TMPRSS6: variants seen among roughly 807,000 people sequenced by gnomAD.
TMPRSS6 encodes transmembrane protease serine 6.
TMPRSS6 carries 67 observed loss-of-function variants against 101.5 expected under a neutral mutation model. The ratio of observed to expected loss-of-function variants is 0.66; its 90% CI spans 0.54 to 0.81. TMPRSS6 has a LOEUF of 0.81. TMPRSS6 is among the 30% of genes least tolerant of loss of function. TMPRSS6 has a pLI of 0.00. For missense variants in TMPRSS6, 1,034 were observed against 1,088.7 expected, an observed-to-expected ratio of 0.95 and a Z score of 0.71; for synonymous variants, 453 against 464.9, an observed-to-expected ratio of 0.97 and a Z score of 0.33.
intron 6 of TMPRSS6, among the ~76,000 whole-genome samples, chr22:37,095,263 G>A (rs9610648): frequency 2.6e-5 from 4 of 152,126 alleles, no homozygotes; most frequent in Non-Finnish European, 4.4e-5. Flanking sequence ...AGTCACGTTC[G>A]TGGACCACTA....
intron 6 of TMPRSS6, among the ~76,000 whole-genome samples, chr22:37,092,881 C>T (rs1302639051): frequency 6.6e-6 from 1 of 152,250 alleles, no homozygotes; most frequent in Non-Finnish European, 1.5e-5. Context: ...ATCTGGGACT[C>T]TGTGTGAGGC....
intron 16 of TMPRSS6, among the ~76,000 whole-genome samples, chr22:37,067,453 G>C (rs932701130): frequency 6.6e-6 from 1 of 152,088 alleles, no homozygotes; most frequent in Non-Finnish European, 1.5e-5. Context: ...GGCAACAAGA[G>C]CGAAACTCTG....
At chr22:37,074,797 G>T in intron 11 of TMPRSS6, 89 bp from the exon 12 acceptor site, 1 of 1,369,984 alleles carries the variant, frequency 7.3e-7, no homozygotes, top group Non-Finnish European at 1.0e-6. Flanking sequence ...GCATGCACCT[G>T]TTCACTCACA....
At position 37,097,749 on chromosome 22, in the gene TMPRSS6, G is replaced by A. The variant is rs1569023235; in HGVS notation, c.336+667C>T. Among the ~76,000 whole-genome samples the A allele has an allele frequency of 1.3e-4, 16 of 126,722 alleles. No homozygotes were observed. The East Asian group carries it at 3.2e-3, about 25-fold the overall frequency. 83.1% of individuals were successfully genotyped at this position (126,722 alleles called of 152,430 possible). On this transcript the variant is annotated intron_variant, in intron 3 of 17. Transcript: ENST00000676104. The stretch of plus-strand genomic sequence containing the variant: ...GCCACCGTCCTGTAACGGAGGGGCA[G>A]GAGCGGCCACTGTCCTGTAACGGAG...
rs1490538893 is a variant in TMPRSS6 at position 37,101,346 on chromosome 22, G to T, written c.202+1870C>A. Among the ~76,000 whole-genome samples, 1 of 152,092 alleles carries T rather than the reference G, an allele frequency of 6.6e-6. No individual in the cohort carries two copies. The highest frequency in any genetic ancestry group is 1.5e-5 in the Non-Finnish European group (1 of 68,000). ...GAGAACACATAAAACTCTTGCCTGG[G>T]AGAGCAGGAAAGGGAAAGGACCCAG... On this transcript the variant is annotated intron_variant, in intron 2 of 17. Transcript: ENST00000676104. The surrounding 1 kb of genome is among the most constrained non-coding windows in gnomAD (Gnocchi z 4.1).
At chr22:37,075,508 C>T (rs1290767726) in intron 10 of TMPRSS6, among the ~76,000 whole-genome samples, 3 of 152,098 alleles carry the variant, frequency 2.0e-5, no homozygotes, top group Admixed American at 2.0e-4. Flanking sequence ...TCCCCATTGC[C>T]TGCCAGATAA....
At chr22:37,070,365 G>T in intron 15 of TMPRSS6, 119 bp downstream of exon 15, 2 of 1,339,172 alleles carry the variant, frequency 1.5e-6, no homozygotes, top group Non-Finnish European at 1.1e-6. Context: ...ACAGTAGCCT[G>T]TCTGGGGGGT....
rs1569019790 is a variant in TMPRSS6, at chr22:37,094,414, GATAGATAGATAGAT to G, written c.631+1123_631+1136del. ...AGATAGATAGATAGATAGATAGATA[GATAGATAGATAGAT>G]ATAAACAGACAGCTAGCTAGCTAGA... On this transcript the variant is annotated intron_variant, in intron 6 of 17. Coordinates refer to ENST00000676104, the MANE Select transcript of TMPRSS6 (RefSeq NM_001374504.1). 9.2e-4 allele frequency among the ~76,000 whole-genome samples: 138 copies of G among 150,492 alleles called. 1 individual carries two copies. Among genetic ancestry groups the G allele is most frequent in the African/African-American group, 3.3e-3 (132 of 40,562 alleles).
intron 5 of TMPRSS6, 45 bp downstream of exon 5, chr22:37,095,861 C>T (rs1244928678): frequency 6.2e-6 from 10 of 1,610,738 alleles, no homozygotes; most frequent in Admixed American, 3.3e-5. Context: ...CTTGTTTCCC[C>T]CAACCTCATG....
At position 37,103,618 on chromosome 22, in the gene TMPRSS6, G is replaced by A; in HGVS notation, c.-1-200C>T. 6.2e-7 allele frequency: 1 copy of A among 1,602,596 alleles called. No homozygotes were observed. The highest frequency in any genetic ancestry group is 1.1e-5 in the South Asian group (1 of 90,780). On this transcript the variant is annotated intron_variant, in intron 1 of 17. Transcript: ENST00000676104. This position sits in a 1 kb window ranked among gnomAD's most constrained non-coding sequence, Gnocchi z 4.4. ...GCATCTCAGGTCAGCTCGCACCAGA[G>A]GGCAGGCACCAGAGCTGGACTGGGT...
chr22:37,068,900 G>A (rs1383681092), intron 16 of TMPRSS6, among the ~76,000 whole-genome samples, 173 bp downstream of exon 16: 2 of 152,238 alleles, frequency 1.3e-5, no homozygotes, highest in African/African-American at 4.8e-5. Flanking sequence ...CCTACAGGCC[G>A]CATTAAATGG....
chr22:37,078,722 GAGA>G (rs1376440912), intron 10 of TMPRSS6, among the ~76,000 whole-genome samples: 65 of 149,028 alleles, frequency 4.4e-4, no homozygotes, highest in African/African-American at 1.3e-3. Context: ...GGAGGCGGAG[GAGA>G]AGAAGAAGAA....
rs1929740434 is a variant in TMPRSS6, at chr22:37,096,090, C to T, written c.405G>A (p.Gly135=). ...AGAAGAAGCAGGTGAGGGGTCCCTC[C>T]CTAAGGCAGGCAGAAGTGAGAGAGG... The part of the protein sequence containing the change: ...YYNSSSVYSF[G]EGPLTCFFWF... Residue 135 remains glycine, a splice_region_variant and synonymous_variant, in exon 5 of 18, where the codon GGG becomes GGA. Coordinates refer to ENST00000676104, the MANE Select transcript of TMPRSS6 (RefSeq NM_001374504.1). The T allele has an allele frequency of 6.2e-7, 1 of 1,614,118 alleles. No homozygotes were observed. Among genetic ancestry groups the T allele is most frequent in the African/African-American group, 1.3e-5 (1 of 75,044 alleles).
At chr22:37,068,589 C>T (rs771975422) in intron 16 of TMPRSS6, 1 of 779,614 alleles carries the variant, frequency 1.3e-6, no homozygotes, top group Non-Finnish European at 2.4e-6. Context: ...AATCTTTGCT[C>T]CAGTCCTCTC....
In TMPRSS6 at chr22:37,070,987, C is replaced by A. The variant is rs778878377; in HGVS notation, c.1601G>T (p.Cys534Phe). The A allele has an allele frequency of 2.5e-6, 4 of 1,613,418 alleles. No homozygotes were observed. Among genetic ancestry groups the A allele is most frequent in the Non-Finnish European group, 3.4e-6 (4 of 1,179,996 alleles). Residue 534 changes from cysteine (C) to phenylalanine (F), a missense_variant, in exon 14 of 18, where the codon TGC becomes TTC. By Grantham distance (205) the Cys-to-Phe change is radical. Coordinates refer to ENST00000676104, the MANE Select transcript of TMPRSS6 (RefSeq NM_001374504.1). ...ACACTGCGGGTTGGGCTTCTTCACG[C>A]AGCTCCGGTCCTCACACTGGAAGGT... ...TFTFQCEDRS[C>F]VKKPNPQCDG...
In TMPRSS6 at chr22:37,103,373, G is replaced by A. The variant is rs201609873; in HGVS notation, c.45C>T (p.Asp15=). 86 of 1,614,102 alleles carry A rather than the reference G, an allele frequency of 5.3e-5. No homozygotes were observed. The East Asian group carries it at 9.1e-4, about 17-fold the overall frequency. The change falls in exon 2 of 18, where the codon GAC becomes GAT. Residue 15 remains aspartate (D), a synonymous_variant. Transcript: ENST00000676104. The surrounding 1 kb of genome is among the most constrained non-coding windows in gnomAD (Gnocchi z 4.4). ...EAPQVAGGQG[D]GGDGEEAEPE... is the part of the protein sequence containing the mutation. ...GCTCCGCTTCCTCGCCATCACCTCC[G>A]TCCCCCTGCCCGCCAGCCACCTGGG...
rs1568999579 is a variant in TMPRSS6 at position 37,072,618 on chromosome 22, AC to A, written c.1555+913del. Among the ~76,000 whole-genome samples, 65 of 111,566 alleles carry A rather than the reference AC, an allele frequency of 5.8e-4. 1 individual carries two copies. Among genetic ancestry groups the A allele is most frequent in the South Asian group, 1.0e-3 (3 of 2,946 alleles). The allele number at this position is 111,566 out of a possible 152,430, so 73.2% of individuals were successfully genotyped here. On this transcript the variant is annotated intron_variant, in intron 13 of 17. Coordinates refer to ENST00000676104, the MANE Select transcript of TMPRSS6 (RefSeq NM_001374504.1). ...TGATGGATGGATGGATGGATGATGG[AC>A]GATGGATGGATGGATGATGGACGGA...
chr22:37,083,536 C>T (rs1928425950), intron 10 of TMPRSS6, among the ~76,000 whole-genome samples: 1 of 152,152 alleles, frequency 6.6e-6, no homozygotes, highest in Admixed American at 6.5e-5. Context: ...TGTCCATACA[C>T]CCTGTCTCTG....
intron 10 of TMPRSS6, among the ~76,000 whole-genome samples, chr22:37,077,337 C>T (rs1394033417): frequency 6.6e-6 from 1 of 152,152 alleles, no homozygotes; most frequent in East Asian, 1.9e-4. Context: ...AGGTCTGAGC[C>T]CCCTACATGC....
Sources: allele counts gnomAD v4.1 joint callset (sites outside exome capture counted in the v4.1 genomes callset), GRCh38; gene constraint gnomAD v4.1.1; non-coding constraint Gnocchi (gnomAD v3.1); transcripts MANE v1.5; gene names NCBI Gene and HGNC (gene_info 2026-07-23, HGNC 2026-07-21).